The following ANK2 variants were observed in gnomAD, a reference collection of about 807,000 sequenced individuals.
ANK2 encodes ankyrin-2.
In ANK2, 83 loss-of-function variants were observed where a neutral mutation model predicts 360.5. The observed-to-expected ratio is 0.23, with a 90% CI of 0.19 to 0.28. The LOEUF is 0.28. Among genes scored for constraint, ANK2 ranks in the 10% least tolerant of loss-of-function variants. The pLI, the probability that ANK2 is intolerant of heterozygous loss-of-function variation, is 1.00. For missense variants in ANK2, 4,201 were observed against 4,795.7 expected, an observed-to-expected ratio of 0.88 and a Z score of 3.66; for synonymous variants, 1,740 against 1,759.5, an observed-to-expected ratio of 0.99 and a Z score of 0.28.
At chr4:112,929,815 G>A (rs372435201) in intron 2 of ANK2, among the ~76,000 whole-genome samples, 3 of 152,126 alleles carry the variant, frequency 2.0e-5, no homozygotes, top group African/African-American at 4.8e-5. Flanking sequence ...TCCTAATGAC[G>A]CCCCTCTCTG....
chr4:113,048,427 CTAAT>C (rs2065499995), upstream of ANK2, among the ~76,000 whole-genome samples: 1 of 93,236 alleles, frequency 1.1e-5, no homozygotes, highest in Admixed American at 1.3e-4. Flanking sequence ...CCACACCTGG[CTAAT>C]TTTTTTTTTT....
chr4:113,232,707 G>GT (rs1276202395), intron 5 of ANK2, among the ~76,000 whole-genome samples: 3 of 151,094 alleles, frequency 2.0e-5, no homozygotes, highest in Non-Finnish European at 2.9e-5. Flanking sequence ...AAAAAACCCT[G>GT]TACCTTATTG....
At chr4:113,179,913 C>T (rs1422029447) in intron 2 of ANK2, among the ~76,000 whole-genome samples, 1 of 152,236 alleles carries the variant, frequency 6.6e-6, no homozygotes, top group Non-Finnish European at 1.5e-5. Context: ...AAGACTATCA[C>T]TTAGCATTTA....
intron 2 of ANK2, among the ~76,000 whole-genome samples, chr4:112,923,450 T>A (rs920109447): frequency 6.6e-6 from 1 of 151,948 alleles, no homozygotes; most frequent in African/African-American, 2.4e-5. Flanking sequence ...TTTTTTTTTT[T>A]AATGAGCACC....
intron 13 of ANK2, among the ~76,000 whole-genome samples, chr4:113,260,189 C>T (rs1192114874): frequency 6.6e-6 from 1 of 152,134 alleles, no homozygotes; most frequent in Non-Finnish European, 1.5e-5. Context: ...TCTTACTTTG[C>T]TTCTTCACTG....
chr4:112,883,524 C>T (rs568158975), intron 1 of ANK2, among the ~76,000 whole-genome samples: 48 of 151,954 alleles, frequency 3.2e-4, no homozygotes, highest in African/African-American at 1.1e-3. Context: ...TTAGTAAAAA[C>T]GATAAAAGTG....
At chr4:113,130,653 A>T (rs1425872957) in intron 1 of ANK2, among the ~76,000 whole-genome samples, 1 of 152,178 alleles carries the variant, frequency 6.6e-6, no homozygotes, top group African/African-American at 2.4e-5. Context: ...TCCAGCCAGG[A>T]ACAGCGTAAT....
chr4:113,292,511 T>A lies in ANK2; in HGVS notation c.2373T>A (p.Thr791=). 6.2e-7 allele frequency: 1 copy of A among 1,607,224 alleles called. No homozygotes were observed. The highest frequency in any genetic ancestry group is 8.5e-7 in the Non-Finnish European group (1 of 1,176,542). ...LQHGAKPNAT[T]ANGNTALAIA... ...ATGGGGCCAAGCCCAACGCCACCACTGCGGTAAGGCAGACGCCACTGCCCC... is the reference window on the plus strand; with the variant it reads ...ATGGGGCCAAGCCCAACGCCACCACAGCGGTAAGGCAGACGCCACTGCCCC... The change falls in exon 21 of 46, where the codon ACT becomes ACA. Residue 791 remains threonine, a synonymous_variant. Transcript: ENST00000357077.
At chr4:112,870,330 C>G (rs145112037) in intron 1 of ANK2, among the ~76,000 whole-genome samples, 2,559 of 152,260 alleles carry the variant, frequency 0.017, 36 homozygotes, top group Middle Eastern at 0.031. Context: ...ATTCTGCAGT[C>G]ATCTACAATG....
chr4:113,024,174 C>G (rs1357101363), intron 2 of ANK2, among the ~76,000 whole-genome samples: 1 of 152,002 alleles, frequency 6.6e-6, no homozygotes, highest in East Asian at 1.9e-4. Context: ...AGATAAATTC[C>G]TTAGTTTGTT....
At chr4:112,866,934 T>C (rs1402872751) in intron 1 of ANK2, among the ~76,000 whole-genome samples, 1 of 152,152 alleles carries the variant, frequency 6.6e-6, no homozygotes, top group Non-Finnish European at 1.5e-5. Flanking sequence ...TAAATCTAAG[T>C]TTCCAAAATT....
the ANK2 span, among the ~76,000 whole-genome samples, chr4:112,718,173 C>T: frequency 4.5e-4 from 68 of 152,246 alleles, no homozygotes; most frequent in Non-Finnish European, 7.2e-4. Flanking sequence ...TGTTGTTTTC[C>T]GCAATTCTTT....
chr4:112,775,605 A>G, the ANK2 span, among the ~76,000 whole-genome samples: 2 of 151,756 alleles, frequency 1.3e-5, no homozygotes, highest in African/African-American at 4.8e-5. Flanking sequence ...AGTGTTGGGT[A>G]TCGTTAACTG....
chr4:112,795,108 C>T, the ANK2 span, among the ~76,000 whole-genome samples: 20 of 152,238 alleles, frequency 1.3e-4, no homozygotes, highest in Admixed American at 7.2e-4. Flanking sequence ...CTAAACTTTG[C>T]AATAATAGAA....
chr4:112,779,765 T>A, the ANK2 span, among the ~76,000 whole-genome samples: 1 of 152,198 alleles, frequency 6.6e-6, no homozygotes, highest in Non-Finnish European at 1.5e-5. Flanking sequence ...TGCCTTCACC[T>A]GAACATATCC....
At chr4:113,214,370 A>C in intron 4 of ANK2, 1 of 915,880 alleles carries the variant, frequency 1.1e-6, no homozygotes, top group Non-Finnish European at 1.8e-6. Flanking sequence ...TGGCACGACC[A>C]TTGTTCCTTC....
chr4:113,168,881 A>G (rs187398999), intron 1 of ANK2, among the ~76,000 whole-genome samples: 56 of 152,332 alleles, frequency 3.7e-4, no homozygotes, highest in African/African-American at 1.3e-3. Context: ...AAGCATTCAG[A>G]TATCACAAAG....
At chr4:113,303,061 G>A (rs552623182) in intron 23 of ANK2, among the ~76,000 whole-genome samples, 2 of 152,150 alleles carry the variant, frequency 1.3e-5, no homozygotes, top group African/African-American at 4.8e-5. Flanking sequence ...CTTTTTCCTA[G>A]CATTAAAATT....
chr4:113,048,524 T>C (rs547622350), upstream of ANK2, among the ~76,000 whole-genome samples: 78 of 150,634 alleles, frequency 5.2e-4, no homozygotes, highest in African/African-American at 1.8e-3. Flanking sequence ...CCACCTGCCT[T>C]GGCCTCCCAA....
Sources: gnomAD v4.1 joint callset for allele counts (sites outside exome capture counted in the v4.1 genomes callset) on GRCh38, gnomAD v4.1.1 for gene constraint, MANE v1.5 for transcripts, NCBI Gene and HGNC (gene_info 2026-07-23, HGNC 2026-07-21) for gene names.